The following ARHGEF3 variants were observed in gnomAD, a reference collection of about 807,000 sequenced individuals.
ARHGEF3 encodes Rho guanine nucleotide exchange factor 3.
Under a neutral mutation model 63.2 loss-of-function variants are expected in ARHGEF3, and 28 were observed. The observed-to-expected ratio is 0.44, with a 90% confidence interval of 0.33 to 0.61. The LOEUF (loss-of-function observed/expected upper bound fraction) is 0.61, where lower values mean the gene tolerates loss of function less well. Among genes scored for constraint, ARHGEF3 ranks in the 20% least tolerant of loss-of-function variants. The pLI is 0.03. For missense variants in ARHGEF3, 533 were observed against 659.3 expected (o/e 0.81, Z 2.10); for synonymous variants, 266 against 254.2 (o/e 1.05, Z -0.44).
chr3:57,072,483 G>A (rs1906503), intron 1 of ARHGEF3, among the ~76,000 whole-genome samples: 6,360 of 151,226 alleles, frequency 0.042, 432 homozygotes, highest in African/African-American at 0.14. Context: ...GCTCATGTCC[G>A]TAATCCCAGC....
intron 2 of ARHGEF3, among the ~76,000 whole-genome samples, chr3:57,024,616 T>C (rs1372555176): frequency 1.3e-5 from 2 of 152,090 alleles, no homozygotes; most frequent in Non-Finnish European, 2.9e-5. Flanking sequence ...GCCTCCCAAG[T>C]AGCTGGGACT....
intron 2 of ARHGEF3, among the ~76,000 whole-genome samples, chr3:56,967,174 AAATACAGCATTATTCAATTG>A (rs1007624869): frequency 4.2e-5 from 6 of 142,988 alleles, no homozygotes; most frequent in Non-Finnish European, 7.6e-5. Flanking sequence ...TTTTTTTTTT[AAATACAGCATTATTCAATTG>A]AAATATCATG....
Position 57,077,817 on chromosome 3 carries a change from T to C in ARHGEF3, c.-28+1409A>G, listed in dbSNP as rs117895185. Among the ~76,000 whole-genome samples the C allele has an allele frequency of 0.019, 2,862 of 152,182 alleles. 191 individuals carry two copies. The East Asian group carries it at 0.2, about 11-fold the overall frequency. ...TTTCCCAACAGTGTCCTTGACAAAGTTCATCTCTAATCCCACATTCTGAGA... is the reference window on the plus strand; with the variant it reads ...TTTCCCAACAGTGTCCTTGACAAAGCTCATCTCTAATCCCACATTCTGAGA... On this transcript the variant is annotated intron_variant, in intron 1 of 12. Transcript: ENST00000338458.
At chr3:56,864,143 T>C (rs1500713) in intron 4 of ARHGEF3, among the ~76,000 whole-genome samples, 149,094 of 152,310 alleles carry the variant, frequency 0.98, 73,052 homozygotes, top group East Asian at 1. Context: ...AATGAAAGCA[T>C]AAATGACACC....
Position 56,753,517 on chromosome 3 carries a change from TTCAAGTCTTCTA to T in ARHGEF3, c.413_424del (p.Ile138_Leu141del). Reference sequence around the variant, plus strand: ...ATTTAAATTTACCTTTTTTGCTAATTTCAAGTCTTCTATCAAGTCTTCTTCTCCTTGGGAAAG... The same window carrying T: ...ATTTAAATTTACCTTTTTTGCTAATTTCAAGTCTTCTTCTCCTTGGGAAAG... On this transcript the variant is annotated inframe_deletion, in exon 4 of 10. Transcript: ENST00000296315. The T allele has an allele frequency of 6.2e-7, 1 of 1,613,534 alleles. No homozygotes were observed.
chr3:57,006,579 C>T (rs963046657), intron 2 of ARHGEF3, among the ~76,000 whole-genome samples: 8 of 152,192 alleles, frequency 5.3e-5, no homozygotes, highest in African/African-American at 1.9e-4. Context: ...TGGCATTTCT[C>T]TCTGGCTCCA....
chr3:56,899,272 T>C (rs1376661613), intron 3 of ARHGEF3, among the ~76,000 whole-genome samples: 1 of 152,180 alleles, frequency 6.6e-6, no homozygotes, highest in Non-Finnish European at 1.5e-5. Context: ...GCCTCGGCCA[T>C]ATGGGTGGGG....
At chr3:56,847,301 G>A (rs1030880735) in intron 4 of ARHGEF3, among the ~76,000 whole-genome samples, 2 of 152,114 alleles carry the variant, frequency 1.3e-5, no homozygotes, top group South Asian at 2.1e-4. Context: ...CCAAATTGAG[G>A]CATAATTCTA....
Position 57,026,005 on chromosome 3 carries a change from C to T in ARHGEF3, c.62+9083G>A, listed in dbSNP as rs576358396. Among the ~76,000 whole-genome samples, 4 of 152,218 alleles carry T rather than the reference C, an allele frequency of 2.6e-5. 1 individual carries two copies. In the South Asian group the frequency reaches 8.3e-4, roughly 32 times the overall value. On this transcript the variant is annotated intron_variant, in intron 2 of 12. Transcript: ENST00000338458. ...CCTAGGGAACAAAATTCTCAAGACT[C>T]CCCCCATTCACACCCTAGCAGAATA...
chr3:56,949,834 G>C lies in ARHGEF3; in HGVS notation c.129+8989C>G, dbSNP rs1372075158. The stretch of plus-strand genomic sequence containing the variant: ...GCCTGCATTGCCAAGTCAATCCTAA[G>C]CCAAAAGAACAAAGCTGGAGGCATC... On this transcript the variant is annotated intron_variant, in intron 3 of 12. Transcript: ENST00000338458. 2.6e-5 allele frequency among the ~76,000 whole-genome samples: 4 copies of C among 151,986 alleles called. No homozygotes were observed. In the East Asian group the frequency reaches 7.7e-4, roughly 29 times the overall value.
intron 2 of ARHGEF3, among the ~76,000 whole-genome samples, chr3:56,762,028 T>C (rs994323071): frequency 6.6e-6 from 1 of 152,196 alleles, no homozygotes; most frequent in Admixed American, 6.5e-5. Context: ...GAGGCTCTCC[T>C]GTGCATTGTA....
chr3:56,759,469 G>A (rs188915110), intron 2 of ARHGEF3, among the ~76,000 whole-genome samples: 102 of 151,716 alleles, frequency 6.7e-4, no homozygotes, highest in Non-Finnish European at 1.1e-3. Flanking sequence ...GCGCCTGGCC[G>A]AGAATGTTTT....
intron 3 of ARHGEF3, among the ~76,000 whole-genome samples, chr3:56,945,515 C>A (rs891112228): frequency 2.6e-5 from 4 of 152,186 alleles, no homozygotes; most frequent in South Asian, 2.1e-4. Context: ...GAGACTCGCT[C>A]ATTGCTAGCA....
chr3:56,967,839 ATAT>A (rs1190462944), intron 2 of ARHGEF3, among the ~76,000 whole-genome samples: 2 of 57,450 alleles, frequency 3.5e-5, no homozygotes, highest in African/African-American at 1.3e-4. Flanking sequence ...TATATTAATT[ATAT>A]TATTATATAA....
chr3:56,861,284 T>C (rs1158296183), intron 4 of ARHGEF3, among the ~76,000 whole-genome samples: 1 of 152,126 alleles, frequency 6.6e-6, no homozygotes, highest in African/African-American at 2.4e-5. Context: ...GGGTGGGACA[T>C]GGAGGAGTCT....
intron 2 of ARHGEF3, among the ~76,000 whole-genome samples, chr3:57,018,679 G>A (rs7617428): frequency 0.026 from 3,997 of 152,254 alleles, 172 homozygotes; most frequent in African/African-American, 0.091. Flanking sequence ...TTACGTTTAT[G>A]TCGTGTCTCA....
chr3:56,776,340 T>G (rs890450305), intron 1 of ARHGEF3, among the ~76,000 whole-genome samples: 2 of 152,222 alleles, frequency 1.3e-5, no homozygotes, highest in African/African-American at 4.8e-5. Context: ...CCGATTTGGA[T>G]GTAAACATCA....
chr3:56,967,497 A>G (rs1194522660), intron 2 of ARHGEF3, among the ~76,000 whole-genome samples: 4 of 86,076 alleles, frequency 4.6e-5, no homozygotes, highest in African/African-American at 1.9e-4. Context: ...TATTAAATAT[A>G]TTACATAATA....
chr3:56,949,871 C>T (rs1281444353), intron 3 of ARHGEF3, among the ~76,000 whole-genome samples: 3 of 152,042 alleles, frequency 2.0e-5, no homozygotes, highest in Non-Finnish European at 2.9e-5. Context: ...TGCTACCTCA[C>T]TTCAAACTAT....
Sources: gnomAD v4.1 joint callset for allele counts (sites outside exome capture counted in the v4.1 genomes callset) on GRCh38, gnomAD v4.1.1 for gene constraint, MANE v1.5 for transcripts, NCBI Gene and HGNC (gene_info 2026-07-23, HGNC 2026-07-21) for gene names.